Variants in CHST8 observed in about 807,000 individuals in gnomAD.
The protein encoded by CHST8 is GALNAC-4-ST1.
A neutral mutation model predicts 15.0 loss-of-function variants in CHST8; 10 were observed. That is an observed-to-expected ratio of 0.67 (90% CI 0.41 to 1.13). The LOEUF is 1.13. Among genes scored for constraint, CHST8 ranks in the 50% most tolerant of loss-of-function variants. CHST8 has a pLI of 0.00. For synonymous variants in CHST8, 259 were observed against 256.6 expected, an observed-to-expected ratio of 1.01 and a Z score of -0.09; for missense variants, 634 against 608.2, an observed-to-expected ratio of 1.04 and a Z score of -0.45.
At chr19:33,689,419 C>A (rs1436091469) in intron 3 of CHST8, 28 bp downstream of exon 3, 1 of 1,536,772 alleles carries the variant, frequency 6.5e-7, no homozygotes, top group Non-Finnish European at 8.7e-7. Flanking sequence ...GTCCTGCCAT[C>A]ACTGCCCCCA....
At chr19:33,685,237 G>A (rs906820223) in intron 2 of CHST8, 1 of 152,226 alleles carries the variant, frequency 6.6e-6, no homozygotes, top group Admixed American at 6.5e-5. Context: ...GTCCTTGCTT[G>A]TGCCCTGAAG....
intron 3 of CHST8, among the ~76,000 whole-genome samples, chr19:33,753,381 C>A (rs1974458867): frequency 6.7e-6 from 1 of 148,454 alleles, no homozygotes; most frequent in Non-Finnish European, 1.5e-5. Flanking sequence ...CATCTCCCCA[C>A]CAACTTCCCA....
intron 2 of CHST8, among the ~76,000 whole-genome samples, chr19:33,682,930 G>A (rs1329175530): frequency 6.6e-6 from 1 of 152,204 alleles, no homozygotes; most frequent in East Asian, 1.9e-4. Context: ...CATGGTGTTG[G>A]CATCTGCTCG....
intron 1 of CHST8, among the ~76,000 whole-genome samples, chr19:33,632,710 C>T (rs951328415): frequency 6.6e-6 from 1 of 151,892 alleles, no homozygotes; most frequent in Non-Finnish European, 1.5e-5. Context: ...CACAGAAAAC[C>T]GCTCCCCTTA....
chr19:33,624,375 G>A (rs1972024517), intron 1 of CHST8, among the ~76,000 whole-genome samples: 2 of 152,174 alleles, frequency 1.3e-5, no homozygotes, highest in African/African-American at 4.8e-5. Context: ...TGTAACCGAC[G>A]ACAGAGGATG....
At chr19:33,744,906 A>G (rs913382499) in intron 3 of CHST8, among the ~76,000 whole-genome samples, 1 of 151,796 alleles carries the variant, frequency 6.6e-6, no homozygotes, top group African/African-American at 2.4e-5. Flanking sequence ...CTGCCACCAC[A>G]CTCGGCTAAT....
chr19:33,671,550 C>G (rs947389064), intron 2 of CHST8, among the ~76,000 whole-genome samples: 8 of 152,128 alleles, frequency 5.3e-5, no homozygotes, highest in African/African-American at 1.7e-4. Context: ...TTCTTTCGTG[C>G]TTCTTTATGT....
At chr19:33,749,698 C>T (rs1974378568) in intron 3 of CHST8, among the ~76,000 whole-genome samples, 1 of 152,126 alleles carries the variant, frequency 6.6e-6, no homozygotes, top group Non-Finnish European at 1.5e-5. Context: ...CCACCTCCCT[C>T]CCAGGCACTG....
In CHST8 at chr19:33,728,678, G is replaced by A. The variant is rs145214126; in HGVS notation, c.130+39287G>A. Among the ~76,000 whole-genome samples the A allele has an allele frequency of 1.7e-4, 26 of 152,322 alleles. No individual in the cohort carries two copies. In the East Asian group the frequency reaches 4.2e-3, roughly 25 times the overall value. On this transcript the variant is annotated intron_variant, in intron 3 of 4. Coordinates refer to ENST00000650847, the MANE Select transcript of CHST8 (RefSeq NM_001127895.2). The stretch of plus-strand genomic sequence containing the variant: ...CCTCAACAGACTCCCAGCCCACTGG[G>A]AAGAGAGCCACACATGCTCAGAGTA...
chr19:33,743,547 C>T (rs1974246205), intron 3 of CHST8, among the ~76,000 whole-genome samples: 1 of 151,976 alleles, frequency 6.6e-6, no homozygotes. Flanking sequence ...GTGATCTGCC[C>T]ACCTCGGCCT....
At chr19:33,650,514 TTTTC>T (rs1783802603) in intron 1 of CHST8, among the ~76,000 whole-genome samples, 20 of 109,152 alleles carry the variant, frequency 1.8e-4, no homozygotes, top group Non-Finnish European at 2.1e-4. Flanking sequence ...TTTCTTTTTC[TTTTC>T]TTTTTTTTTT....
chr19:33,723,312 G>A (rs540753479), intron 3 of CHST8, among the ~76,000 whole-genome samples: 1 of 152,350 alleles, frequency 6.6e-6, no homozygotes, highest in African/African-American at 2.4e-5. Context: ...ATCCATGTGA[G>A]TGTGTGCATG....
chr19:33,742,925 C>A (rs577452839), intron 3 of CHST8, among the ~76,000 whole-genome samples: 1 of 152,142 alleles, frequency 6.6e-6, no homozygotes, highest in Non-Finnish European at 1.5e-5. Context: ...CCATCAGTCT[C>A]GGGGTGTCCA....
intron 1 of CHST8, among the ~76,000 whole-genome samples, chr19:33,626,783 C>CTT (rs373066494): frequency 0.033 from 4,413 of 133,454 alleles, 118 homozygotes; most frequent in East Asian, 0.048. Context: ...TTTTTTTTTC[C>CTT]TTTTTTTTTT....
At chr19:33,635,684 G>C (rs989420198) in intron 1 of CHST8, among the ~76,000 whole-genome samples, 1 of 152,156 alleles carries the variant, frequency 6.6e-6, no homozygotes, top group African/African-American at 2.4e-5. Flanking sequence ...AAAAATGCGG[G>C]CTTAGTTCCC....
chr19:33,759,439 G>A (rs773734122), intron 3 of CHST8, among the ~76,000 whole-genome samples: 4 of 152,198 alleles, frequency 2.6e-5, no homozygotes, highest in Non-Finnish European at 5.9e-5. Context: ...CACGGCTGCT[G>A]AGAGCCTGGG....
intron 3 of CHST8, among the ~76,000 whole-genome samples, chr19:33,754,252 T>A (rs1974500927): frequency 6.7e-6 from 1 of 150,038 alleles, no homozygotes; most frequent in African/African-American, 2.5e-5. Flanking sequence ...CAGTCAAGTG[T>A]GCTATGAGCT....
chr19:33,626,038 G>T (rs539758742), intron 1 of CHST8, among the ~76,000 whole-genome samples: 2 of 152,168 alleles, frequency 1.3e-5, no homozygotes, highest in East Asian at 3.9e-4. Context: ...CTCCAGAGCG[G>T]CTGTGTTCCC....
intron 2 of CHST8, among the ~76,000 whole-genome samples, chr19:33,688,129 A>G (rs372819947): frequency 2.0e-4 from 30 of 152,262 alleles, no homozygotes; most frequent in African/African-American, 6.7e-4. Flanking sequence ...GGGTCCCTAG[A>G]GTGCCTGCCG....
Sources: gnomAD v4.1 joint callset for allele counts (sites outside exome capture counted in the v4.1 genomes callset) on GRCh38, gnomAD v4.1.1 for gene constraint, MANE v1.5 for transcripts, NCBI Gene and HGNC (gene_info 2026-07-23, HGNC 2026-07-21) for gene names.